Variants in SLC26A4 observed in about 807,000 individuals in gnomAD.
SLC26A4 encodes pendrin.
A neutral mutation model predicts 90.4 loss-of-function variants in SLC26A4; 93 were observed. The observed-to-expected ratio is 1.03, with a 90% CI of 0.87 to 1.22. The LOEUF is 1.22. Ranked by LOEUF, SLC26A4 falls within the 50% of genes most tolerant of loss-of-function variation. The pLI is 0.00. For synonymous variants in SLC26A4, 393 were observed against 354.6 expected, an observed-to-expected ratio of 1.11 and a Z score of -1.22; for missense variants, 1,127 against 946.2, an observed-to-expected ratio of 1.19 and a Z score of -2.51.
chr7:107,666,662 G>A (rs1249442327), intron 3 of SLC26A4, among the ~76,000 whole-genome samples: 1 of 152,184 alleles, frequency 6.6e-6, no homozygotes, highest in East Asian at 1.9e-4. Context: ...AGGTGCAAAG[G>A]CCCTGAGGCC....
chr7:107,698,119 C>G lies in SLC26A4; in HGVS notation c.1614+8C>G. 6.3e-7 allele frequency: 1 copy of G among 1,577,944 alleles called. No homozygotes were observed. The highest frequency in any genetic ancestry group is 8.7e-7 in the Non-Finnish European group (1 of 1,147,204). On this transcript the variant is annotated splice_region_variant and intron_variant, in intron 14 of 20. Coordinates refer to ENST00000644269, the MANE Select transcript of SLC26A4 (RefSeq NM_000441.2). ...ACCAAGAATTACAAAAACGTAAGTA[C>G]CTTTGTGAGACATTTGCTGGACTTG...
At position 107,682,130 on chromosome 7, in the gene SLC26A4, A is replaced by T. The variant is rs911133258; in HGVS notation, c.766-1072A>T. Among the ~76,000 whole-genome samples the T allele has an allele frequency of 3.3e-3, 244 of 73,404 alleles. 4 individuals are homozygous for T. The highest frequency in any genetic ancestry group is 0.011 in the African/African-American group (222 of 19,976). The allele number at this position is 73,404 out of a possible 152,430, so 48.2% of individuals were successfully genotyped here. ...AAAAAAAAAAAAAAAAAAAAAAAAAATTTTTTTTATGTTATCTTAGTTCAA... is the reference window on the plus strand; with the variant it reads ...AAAAAAAAAAAAAAAAAAAAAAAAATTTTTTTTTATGTTATCTTAGTTCAA... On this transcript the variant is annotated intron_variant, in intron 6 of 20. Transcript: ENST00000644269.
intron 10 of SLC26A4, chr7:107,693,437 C>T (rs755263569): frequency 2.0e-5 from 20 of 985,284 alleles, no homozygotes; most frequent in African/African-American, 8.7e-5. Context: ...GTCTGTCTCC[C>T]GTAACTCAGA....
At chr7:107,703,576 C>T (rs1212761502) in intron 17 of SLC26A4, among the ~76,000 whole-genome samples, 2 of 152,140 alleles carry the variant, frequency 1.3e-5, no homozygotes, top group Non-Finnish European at 1.5e-5. Context: ...ACTATATTGG[C>T]CAGAGAGTTC....
intron 12 of SLC26A4, 128 bp downstream of exon 12, chr7:107,694,844 G>C (rs1313181152): frequency 6.9e-6 from 5 of 720,752 alleles, no homozygotes; most frequent in African/African-American, 3.5e-5. Flanking sequence ...GGAGAAATTA[G>C]AATTGTGGGG....
chr7:107,697,594 G>A (rs1791774925), intron 13 of SLC26A4, among the ~76,000 whole-genome samples: 1 of 152,174 alleles, frequency 6.6e-6, no homozygotes. Context: ...TCACAAAGAA[G>A]CGCCAGGCAC....
intron 20 of SLC26A4, among the ~76,000 whole-genome samples, chr7:107,714,340 A>T (rs1261902493): frequency 6.6e-6 from 1 of 152,178 alleles, no homozygotes; most frequent in East Asian, 1.9e-4. Context: ...GTCTTGAAAA[A>T]ATGTTGCAAA....
Position 107,683,439 on chromosome 7 carries a change from T to C in SLC26A4, c.919-16T>C. ...TAAAACCAATGGAGTTTTTAACATC[T>C]TTTGTTTTATTTCAGACGATAATTG... On this transcript the variant is annotated splice_polypyrimidine_tract_variant and intron_variant, in intron 7 of 20. Transcript: ENST00000644269. 6 of 1,612,876 alleles carry C rather than the reference T, an allele frequency of 3.7e-6. No individual in the cohort carries two copies. Among genetic ancestry groups the C allele is most frequent in the Non-Finnish European group, 5.1e-6 (6 of 1,179,000 alleles).
At chr7:107,683,656 T>C in intron 8 of SLC26A4, 119 bp downstream of exon 8, 1 of 801,706 alleles carries the variant, frequency 1.2e-6, no homozygotes, top group South Asian at 1.6e-5. Context: ...TAGTCCTATT[T>C]GTGTGTGATC....
At chr7:107,712,749 G>C in intron 20 of SLC26A4, 127 bp downstream of exon 20, 1 of 685,464 alleles carries the variant, frequency 1.5e-6, no homozygotes. Context: ...AGAAAAGATG[G>C]CTTCATAGCA....
chr7:107,686,536 G>A (rs2129315311), intron 8 of SLC26A4, among the ~76,000 whole-genome samples: 1 of 150,504 alleles, frequency 6.6e-6, no homozygotes, highest in East Asian at 2.0e-4. Flanking sequence ...CACCCAGCAT[G>A]GAATGCAGTG....
chr7:107,661,277 C>G lies in SLC26A4; in HGVS notation c.-3-362C>G. On this transcript the variant is annotated intron_variant, in intron 1 of 20. Transcript: ENST00000644269. The surrounding 1 kb of genome is among the most constrained non-coding windows in gnomAD (Gnocchi z 5.1). ...AGCGCCTTTGGCCCCTGCCCCAGCC[C>G]CTCGGTTTGGGGGAGATTTCAGAAC... 2 of 354,654 alleles carry G rather than the reference C, an allele frequency of 5.6e-6. No homozygotes were observed. Among genetic ancestry groups the G allele is most frequent in the Non-Finnish European group, 1.0e-5 (2 of 191,192 alleles). The allele number at this position is 354,654 out of a possible 1,614,324, so 22.0% of individuals were successfully genotyped here.
At chr7:107,700,948 C>CA (rs550303349) in intron 15 of SLC26A4, among the ~76,000 whole-genome samples, 153 bp from the exon 16 acceptor site, 15 of 152,238 alleles carry the variant, frequency 9.9e-5, no homozygotes, top group African/African-American at 3.1e-4. Context: ...TGGGAGTAGA[C>CA]AGAGATCTAC....
intron 10 of SLC26A4, 79 bp downstream of exon 10, chr7:107,690,316 T>C: frequency 1.1e-6 from 1 of 887,062 alleles, no homozygotes; most frequent in Non-Finnish European, 1.9e-6. Context: ...GCACCGAGCT[T>C]AGCAGGACAA....
In SLC26A4 at chr7:107,661,519, G is replaced by C; in HGVS notation, c.-3-120G>C. 8.8e-7 allele frequency: 1 copy of C among 1,135,548 alleles called. No homozygotes were observed. Among genetic ancestry groups the C allele is most frequent in the Admixed American group, 2.0e-5 (1 of 49,732 alleles). The allele number at this position is 1,135,548 out of a possible 1,614,324, so 70.3% of individuals were successfully genotyped here. A position where few individuals can be genotyped will look rare whatever the true frequency, so the allele number is the denominator to read the frequency against. On this transcript the variant is annotated intron_variant, in intron 1 of 20. Coordinates refer to ENST00000644269, the MANE Select transcript of SLC26A4 (RefSeq NM_000441.2). The surrounding 1 kb of genome is among the most constrained non-coding windows in gnomAD (Gnocchi z 5.1). ...GCTGCAGGACGCGGACCAGACTCGC[G>C]GTGCAGGGGGGCCTGGCTGCAGCTA... is the stretch of plus-strand genomic sequence containing the variant.
chr7:107,666,821 T>C (rs965468384), intron 3 of SLC26A4, among the ~76,000 whole-genome samples: 1 of 152,128 alleles, frequency 6.6e-6, no homozygotes, highest in Non-Finnish European at 1.5e-5. Context: ...GATGCCTCTT[T>C]AAATATTGTA....
intron 11 of SLC26A4, 60 bp from the exon 12 acceptor site, chr7:107,694,561 C>T: frequency 2.0e-6 from 3 of 1,528,602 alleles, no homozygotes; most frequent in Admixed American, 1.7e-5. Flanking sequence ...GGAGATTTAA[C>T]AATCATCACA....
intron 6 of SLC26A4, among the ~76,000 whole-genome samples, chr7:107,676,882 A>C (rs1562825400): frequency 6.6e-6 from 1 of 152,188 alleles, no homozygotes; most frequent in Non-Finnish European, 1.5e-5. Flanking sequence ...CATAGTGAAT[A>C]AGATCATGAG....
chr7:107,711,110 C>G (rs889036253), intron 19 of SLC26A4, among the ~76,000 whole-genome samples: 4 of 149,396 alleles, frequency 2.7e-5, no homozygotes, highest in African/African-American at 7.4e-5. Flanking sequence ...TGGTAAAATA[C>G]TAGTCCTAAC....
Sources: allele counts gnomAD v4.1 joint callset (sites outside exome capture counted in the v4.1 genomes callset), GRCh38; gene constraint gnomAD v4.1.1; non-coding constraint Gnocchi (gnomAD v3.1); transcripts MANE v1.5; gene names NCBI Gene and HGNC (gene_info 2026-07-23, HGNC 2026-07-21).